The following CPT1A variants were observed in gnomAD, a reference collection of about 807,000 sequenced individuals.
The protein encoded by CPT1A is carnitine palmitoyltransferase 1A.
In CPT1A, 64 loss-of-function variants were observed where a neutral mutation model predicts 100.8. That is an observed-to-expected ratio of 0.63 (90% CI 0.52 to 0.78). The LOEUF (loss-of-function observed/expected upper bound fraction) is 0.78. Among genes scored for constraint, CPT1A ranks in the 30% least tolerant of loss-of-function variants. The pLI, the probability that CPT1A is intolerant of heterozygous loss-of-function variation, is 0.00. For missense variants in CPT1A, 802 were observed against 1,034.1 expected (o/e 0.78, Z 3.08); for synonymous variants, 363 against 396.0 (o/e 0.92, Z 0.99).
Position 68,756,386 on chromosome 11 carries a change from G to C in CPT1A, c.*1258C>G, listed in dbSNP as rs1946694410. 6.6e-6 allele frequency: 1 copy of C among 152,364 alleles called. No homozygotes were observed. Among genetic ancestry groups the C allele is most frequent in the East Asian group, 1.9e-4 (1 of 5,182 alleles). 9.4% of individuals were successfully genotyped at this position (152,364 alleles called of 1,614,324 possible). A position where few individuals can be genotyped will look rare whatever the true frequency, so the allele number is the denominator to read the frequency against. On this transcript the variant is annotated 3_prime_UTR_variant, in exon 19 of 19. Transcript: ENST00000265641. Reference sequence around the variant, plus strand: ...TGCATAATTGCTTTGTGGTCCATGAGACGCTTTCGTGAAGGCACTCCTATC... The same window carrying C: ...TGCATAATTGCTTTGTGGTCCATGACACGCTTTCGTGAAGGCACTCCTATC...
chr11:68,759,292 G>A (rs560473232), intron 18 of CPT1A, among the ~76,000 whole-genome samples: 11 of 151,760 alleles, frequency 7.2e-5, no homozygotes, highest in Middle Eastern at 3.4e-3. Context: ...CTACTTGGGA[G>A]GCTGAGGCAG....
intron 16 of CPT1A, 111 bp from the exon 17 acceptor site, chr11:68,760,449 C>T: frequency 1.2e-6 from 1 of 857,136 alleles, no homozygotes; most frequent in East Asian, 2.7e-5. Context: ...GTTCCACACA[C>T]CACAAGTCTA....
At chr11:68,783,480 C>T (rs923039664) in intron 10 of CPT1A, among the ~76,000 whole-genome samples, 2 of 152,176 alleles carry the variant, frequency 1.3e-5, no homozygotes, top group African/African-American at 4.8e-5. Flanking sequence ...TGCTCCCACC[C>T]TCTGCAAGAC....
chr11:68,773,114 G>T, intron 14 of CPT1A, 151 bp downstream of exon 14: 1 of 1,449,358 alleles, frequency 6.9e-7, no homozygotes, highest in Non-Finnish European at 9.1e-7. Flanking sequence ...AACACCCAAC[G>T]CCACCCGGCC....
chr11:68,775,253 G>T, intron 13 of CPT1A, 63 bp downstream of exon 13: 2 of 1,350,524 alleles, frequency 1.5e-6, no homozygotes, highest in Admixed American at 3.4e-5. Context: ...AAATTCATCT[G>T]TAAGACTTCA....
Position 68,757,405 on chromosome 11 carries a change from C to T in CPT1A, c.*239G>A. The T allele has an allele frequency of 1.4e-6, 2 of 1,403,216 alleles. No homozygotes were observed. Among genetic ancestry groups the T allele is most frequent in the Non-Finnish European group, 1.8e-6 (2 of 1,082,156 alleles). 86.9% of individuals were successfully genotyped at this position (1,403,216 alleles called of 1,614,324 possible). ...TAATAAATCCAAGCCGATGCGGAGA[C>T]ATCAGGGGAGACTTTATCAGATGTC... On this transcript the variant is annotated 3_prime_UTR_variant, in exon 19 of 19. Transcript: ENST00000265641.
intron 15 of CPT1A, 43 bp downstream of exon 15, chr11:68,762,584 A>G: frequency 6.2e-7 from 1 of 1,610,326 alleles, no homozygotes; most frequent in African/African-American, 1.3e-5. Flanking sequence ...CTTTTAGGGA[A>G]GTGTGACAAG....
At chr11:68,801,867 G>A (rs1344894636) in intron 5 of CPT1A, among the ~76,000 whole-genome samples, 1 of 152,168 alleles carries the variant, frequency 6.6e-6, no homozygotes, top group African/African-American at 2.4e-5. Flanking sequence ...GAATTCCCAT[G>A]AGCCAGCAAT....
At chr11:68,831,657 G>A (rs4930616) in intron 1 of CPT1A, among the ~76,000 whole-genome samples, 62,636 of 145,198 alleles carry the variant, frequency 0.43, 15,408 homozygotes, top group Admixed American at 0.61. Context: ...TTTTTGAGAC[G>A]AAGTTTTGCT....
At position 68,757,178 on chromosome 11, in the gene CPT1A, G is replaced by T; in HGVS notation, c.*466C>A. On this transcript the variant is annotated 3_prime_UTR_variant, in exon 19 of 19. Transcript: ENST00000265641. The stretch of plus-strand genomic sequence containing the variant: ...ATTTTGGTTAGTGCATTCCAGATGT[G>T]TTAGCTACAACTGGGGACACCAACT... The T allele has an allele frequency of 2.2e-6, 1 of 460,798 alleles. No individual in the cohort carries two copies. Among genetic ancestry groups the T allele is most frequent in the Non-Finnish European group, 3.0e-6 (1 of 332,554 alleles). 28.5% of individuals were successfully genotyped at this position (460,798 alleles called of 1,614,324 possible).
intron 14 of CPT1A, among the ~76,000 whole-genome samples, chr11:68,769,165 T>A (rs1191746333): frequency 1.3e-5 from 2 of 152,164 alleles, no homozygotes; most frequent in East Asian, 3.9e-4. Flanking sequence ...CCCCTACTGA[T>A]GTCAAATGCT....
At position 68,759,673 on chromosome 11, in the gene CPT1A, G is replaced by A; in HGVS notation, c.2143-12C>T. 1 of 1,592,936 alleles carries A rather than the reference G, an allele frequency of 6.3e-7. No homozygotes were observed. Among genetic ancestry groups the A allele is most frequent in the Non-Finnish European group, 8.6e-7 (1 of 1,160,818 alleles). ...CCGTCATCAGCAACCTGGAGGACAA[G>A]GGAATTTGAATTTGTTGCTGGGAAA... On this transcript the variant is annotated splice_polypyrimidine_tract_variant and intron_variant, in intron 17 of 18. Coordinates refer to ENST00000265641, the MANE Select transcript of CPT1A (RefSeq NM_001876.4).
At position 68,810,190 on chromosome 11, in the gene CPT1A, AAG is replaced by A. The variant is rs201953197; in HGVS notation, c.281+2245_281+2246del. ...GAGACTCTATCTCAAAAAGAAAAAA[AAG>A]AAGATATTCATTAGCCCCATGAGAG... is the stretch of plus-strand genomic sequence containing the variant. On this transcript the variant is annotated intron_variant, in intron 3 of 18. Coordinates refer to ENST00000265641, the MANE Select transcript of CPT1A (RefSeq NM_001876.4). Among the ~76,000 whole-genome samples, 489 of 151,598 alleles carry A rather than the reference AAG, an allele frequency of 3.2e-3. 3 individuals are homozygous for A. The highest frequency in any genetic ancestry group is 0.011 in the African/African-American group (440 of 40,906).
At chr11:68,814,506 C>T (rs924751261) in intron 2 of CPT1A, among the ~76,000 whole-genome samples, 11 of 151,956 alleles carry the variant, frequency 7.2e-5, no homozygotes, top group African/African-American at 2.7e-4. Flanking sequence ...ACGGGGGTTT[C>T]ACCATGTTAG....
chr11:68,805,613 A>T (rs1856021139), intron 4 of CPT1A, among the ~76,000 whole-genome samples: 1 of 152,156 alleles, frequency 6.6e-6, no homozygotes, highest in African/African-American at 2.4e-5. Flanking sequence ...GCGACCAAGC[A>T]GAAGGGCACC....
rs1462501450 is a variant in CPT1A at position 68,804,036 on chromosome 11, G to T, written c.519C>A (p.Arg173=). ...MLYSFQTSLP[R]LPVPAVKDTV... ...TGTCTTTGACAGCCGGGACCGGCAG[G>T]CGAGGCAGCGATGTCTGGAAGCTGT... Residue 173 remains arginine (R), a synonymous_variant, in exon 5 of 19, where the codon CGC becomes CGA. Transcript: ENST00000265641. The T allele has an allele frequency of 1.9e-6, 3 of 1,614,002 alleles. No homozygotes were observed. In the African/African-American group the frequency reaches 4.0e-5, roughly 22 times the overall value.
chr11:68,822,840 T>A (rs1856622333), intron 1 of CPT1A, among the ~76,000 whole-genome samples: 1 of 152,202 alleles, frequency 6.6e-6, no homozygotes, highest in Non-Finnish European at 1.5e-5. Flanking sequence ...CAGAAGGTCA[T>A]ATATTGCTGA....
At chr11:68,766,001 AG>A (rs1324072644) in intron 14 of CPT1A, among the ~76,000 whole-genome samples, 1 of 151,806 alleles carries the variant, frequency 6.6e-6, no homozygotes, top group East Asian at 1.9e-4. Context: ...CCTCCTGAGT[AG>A]CTGGGATTAG....
At chr11:68,825,295 T>TC (rs1250434360) in intron 1 of CPT1A, among the ~76,000 whole-genome samples, 1 of 152,144 alleles carries the variant, frequency 6.6e-6, no homozygotes, top group African/African-American at 2.4e-5. Context: ...TCTGCTGCAA[T>TC]TGGAGCTCAA....
Sources: allele counts gnomAD v4.1 joint callset (sites outside exome capture counted in the v4.1 genomes callset), GRCh38; gene constraint gnomAD v4.1.1; transcripts MANE v1.5; gene names NCBI Gene and HGNC (gene_info 2026-07-23, HGNC 2026-07-21).